Variants in CELF2 observed in about 807,000 individuals in gnomAD.
The protein encoded by CELF2 is CUG triplet repeat RNA-binding protein 2.
A neutral mutation model predicts 62.6 loss-of-function variants in CELF2; 8 were observed. The ratio of observed to expected loss-of-function variants is 0.13; its 90% CI spans 0.07 to 0.23. The LOEUF (loss-of-function observed/expected upper bound fraction) is 0.23, where lower values mean the gene tolerates loss of function less well. Ranked by LOEUF, CELF2 falls within the 10% of genes least tolerant of loss-of-function variation. The pLI, the probability that CELF2 is intolerant of heterozygous loss-of-function variation, is 1.00. For synonymous variants in CELF2, 258 were observed against 250.0 expected, an observed-to-expected ratio of 1.03 and a Z score of -0.30; for missense variants, 333 against 671.0, an observed-to-expected ratio of 0.50 and a Z score of 5.56.
chr10:10,524,136 C>T, the CELF2 span, among the ~76,000 whole-genome samples: 1 of 151,608 alleles, frequency 6.6e-6, no homozygotes. Flanking sequence ...ACAGGTGGTA[C>T]CTAAAATAAT....
At position 11,246,785 on chromosome 10, in the gene CELF2, G is replaced by A. The variant is rs557240675; in HGVS notation, c.355-2368G>A. 2.6e-5 allele frequency among the ~76,000 whole-genome samples: 4 copies of A among 152,220 alleles called. No homozygotes were observed. The South Asian group carries it at 8.3e-4, about 32-fold the overall frequency. Reference sequence around the variant, plus strand: ...TTCTTTCCCTCGCTGACAGCTTCGCGCATACCTGTGGCTTCACTGTCACGC... The same window carrying A: ...TTCTTTCCCTCGCTGACAGCTTCGCACATACCTGTGGCTTCACTGTCACGC... On this transcript the variant is annotated intron_variant, in intron 3 of 12. Coordinates refer to ENST00000633077, the MANE Select transcript of CELF2 (RefSeq NM_001326342.2). This position sits in a 1 kb window ranked among gnomAD's most constrained non-coding sequence, Gnocchi z 4.6.
At chr10:10,601,221 C>G in the CELF2 span, among the ~76,000 whole-genome samples, 1 of 152,154 alleles carries the variant, frequency 6.6e-6, no homozygotes, top group Non-Finnish European at 1.5e-5. Flanking sequence ...ATTATCTCAG[C>G]CCCTCCATAC....
At chr10:11,265,237 C>T (rs551453055) in intron 5 of CELF2, among the ~76,000 whole-genome samples, 14 of 152,298 alleles carry the variant, frequency 9.2e-5, no homozygotes, top group African/African-American at 3.1e-4. Flanking sequence ...GCTTATTGGC[C>T]ACAGGGGCAA....
Position 11,297,248 on chromosome 10 carries a change from C to T in CELF2, c.976+8696C>T, listed in dbSNP as rs533445550. Reference sequence around the variant, plus strand: ...CTCAAGTGCACATGAACGGACATTCCGTGAAATGTGTCCAGCAGCAGTTGG... The same window carrying T: ...CTCAAGTGCACATGAACGGACATTCTGTGAAATGTGTCCAGCAGCAGTTGG... On this transcript the variant is annotated intron_variant, in intron 9 of 12. Transcript: ENST00000633077. The surrounding 1 kb of genome is among the most constrained non-coding windows in gnomAD (Gnocchi z 4.4). 1.3e-5 allele frequency among the ~76,000 whole-genome samples: 2 copies of T among 152,260 alleles called. No homozygotes were observed. Among genetic ancestry groups the T allele is most frequent in the Admixed American group, 6.5e-5 (1 of 15,300 alleles).
chr10:11,018,120 C>G lies in CELF2; in HGVS notation c.31C>G (p.Pro11Ala). 1.3e-6 allele frequency: 2 copies of G among 1,517,244 alleles called. No homozygotes were observed. Among genetic ancestry groups the G allele is most frequent in the Non-Finnish European group, 1.8e-6 (2 of 1,129,366 alleles). 94.0% of individuals were successfully genotyped at this position (1,517,244 alleles called of 1,614,324 possible). The stretch of plus-strand genomic sequence containing the variant: ...TTCTGCCTTCAAGCTGGATTTCCTC[C>G]CGGACATGATGGTCGAGGGCCGCCT... MTSAFKLDFL[P>A]DMMVEGRLLV... The change falls in exon 1 of 13, where the codon CCG becomes GCG. Residue 11 changes from proline (P) to alanine (A), a missense_variant. Physicochemically the swap from Pro to Ala is conservative, Grantham distance 27 (BLOSUM62 -1). Transcript: ENST00000633077.
chr10:11,195,806 TC>T (rs1405551969), intron 2 of CELF2, among the ~76,000 whole-genome samples: 2 of 152,182 alleles, frequency 1.3e-5, no homozygotes, highest in African/African-American at 4.8e-5. Flanking sequence ...GAGGCCTTGT[TC>T]CACGTGGCCT....
the CELF2 span, among the ~76,000 whole-genome samples, chr10:10,670,561 G>A: frequency 0.26 from 38,940 of 151,906 alleles, 5,286 homozygotes; most frequent in South Asian, 0.44. Context: ...ACCAGAGTGG[G>A]GCATTTATTA....
intron 7 of CELF2, among the ~76,000 whole-genome samples, chr10:11,271,052 T>A (rs1241656993): frequency 6.6e-6 from 1 of 152,236 alleles, no homozygotes; most frequent in African/African-American, 2.4e-5. Flanking sequence ...CAGGTTAAAC[T>A]TCTAACTCGT....
At chr10:10,497,210 AAAAG>A in the CELF2 span, among the ~76,000 whole-genome samples, 2 of 125,126 alleles carry the variant, frequency 1.6e-5, no homozygotes, top group Admixed American at 1.9e-4. Context: ...AAAAAAGATA[AAAAG>A]AAAAAAAAAA....
At chr10:10,616,825 C>T in the CELF2 span, among the ~76,000 whole-genome samples, 4 of 151,846 alleles carry the variant, frequency 2.6e-5, no homozygotes, top group Middle Eastern at 3.2e-3. Context: ...TGGGCTCAAG[C>T]GATCCTTCCA....
chr10:10,852,005 G>T (rs2059410733), intron 1 of CELF2, among the ~76,000 whole-genome samples: 1 of 152,228 alleles, frequency 6.6e-6, no homozygotes, highest in Admixed American at 6.5e-5. Context: ...TGGTGGGAAT[G>T]TAAAATGCTA....
intron 2 of CELF2, among the ~76,000 whole-genome samples, chr10:10,971,112 G>A (rs989097403): frequency 2.6e-5 from 4 of 152,104 alleles, no homozygotes; most frequent in Non-Finnish European, 5.9e-5. Context: ...CCATCCCTTT[G>A]GAGTGGCTTT....
chr10:10,687,728 C>G, the CELF2 span, among the ~76,000 whole-genome samples: 1 of 152,220 alleles, frequency 6.6e-6, no homozygotes, highest in Admixed American at 6.5e-5. Flanking sequence ...AGAATTAATG[C>G]TGTCTAAAAG....
intron 1 of CELF2, among the ~76,000 whole-genome samples, chr10:10,871,680 TAGGAA>T (rs2060756933): frequency 6.6e-6 from 1 of 152,016 alleles, no homozygotes; most frequent in South Asian, 2.1e-4. Flanking sequence ...GAAAGACTTC[TAGGAA>T]GGACTTTTGG....
At position 11,272,959 on chromosome 10, in the gene CELF2, G is replaced by A. The variant is rs72775846; in HGVS notation, c.778-2098G>A. Among the ~76,000 whole-genome samples, 598 of 152,204 alleles carry A rather than the reference G, an allele frequency of 3.9e-3. 5 individuals are homozygous for A. The highest frequency in any genetic ancestry group is 0.012 in the South Asian group (59 of 4,816). ...GAGGAGGAAGTTGCAGTTGATAAGC[G>A]CAAGAGAATGAGAAACCCAGCAAAT... On this transcript the variant is annotated intron_variant, in intron 7 of 12. Coordinates refer to ENST00000633077, the MANE Select transcript of CELF2 (RefSeq NM_001326342.2).
intron 3 of CELF2, among the ~76,000 whole-genome samples, chr10:11,234,717 A>G (rs1307736198): frequency 6.6e-6 from 1 of 151,786 alleles, no homozygotes; most frequent in African/African-American, 2.4e-5. Context: ...GTTCTTTACA[A>G]ACTGGTGGGT....
In CELF2 at chr10:11,165,246, C is replaced by T. The variant is rs888368863; in HGVS notation, c.75-240C>T. ...TGGGTGACAGGCGGCAGGGCGCTGC[C>T]CCGTGCTCCCCCGGCTCTGCTCGAC... On this transcript the variant is annotated intron_variant, in intron 1 of 12. Transcript: ENST00000633077. This position sits in a 1 kb window ranked among gnomAD's most constrained non-coding sequence, Gnocchi z 7.4. 3.7e-6 allele frequency: 5 copies of T among 1,355,482 alleles called. No homozygotes were observed. The highest frequency in any genetic ancestry group is 2.5e-4 in the Middle Eastern group (1 of 3,986). 84.0% of individuals were successfully genotyped at this position (1,355,482 alleles called of 1,614,324 possible). A position where few individuals can be genotyped will look rare whatever the true frequency, so the allele number is the denominator to read the frequency against.
At chr10:10,712,147 C>CAAAAAAAAAAAAAAAAAAAAAAAA in the CELF2 span, among the ~76,000 whole-genome samples, 1 of 43,422 alleles carries the variant, frequency 2.3e-5, no homozygotes, top group African/African-American at 7.3e-5. Flanking sequence ...AGGATAGAGA[C>CAAAAAAAAAAAAAAAAAAAAAAAA]AAAAAAAAAA....
At chr10:10,675,902 TCA>T in the CELF2 span, among the ~76,000 whole-genome samples, 2 of 152,230 alleles carry the variant, frequency 1.3e-5, no homozygotes, top group African/African-American at 4.8e-5. Flanking sequence ...AGCATATTAA[TCA>T]CAGTTGTTTT....
Sources: gnomAD v4.1 joint callset for allele counts (sites outside exome capture counted in the v4.1 genomes callset) on GRCh38, gnomAD v4.1.1 for gene constraint, Gnocchi (gnomAD v3.1) non-coding constraint, MANE v1.5 for transcripts, NCBI Gene and HGNC (gene_info 2026-07-23, HGNC 2026-07-21) for gene names.